The following RBFOX1 variants were observed in gnomAD, a reference collection of about 807,000 sequenced individuals.
The protein encoded by RBFOX1 is RNA binding protein fox-1 homolog 1.
RBFOX1 carries 8 observed loss-of-function variants against 57.7 expected under a neutral mutation model. The observed-to-expected ratio is 0.14, with a 90% confidence interval of 0.08 to 0.25. The LOEUF is 0.25. RBFOX1 is among the 10% of genes least tolerant of loss of function. RBFOX1 has a pLI of 1.00. For missense variants in RBFOX1, 611 were observed against 548.5 expected (o/e 1.11, Z -1.14); for synonymous variants, 326 against 222.4 (o/e 1.47, Z -4.15).
rs183630560 is a variant in RBFOX1, at chr16:5,258,768, T to G, written c.219+18663T>G. 1.8e-4 allele frequency among the ~76,000 whole-genome samples: 27 copies of G among 152,108 alleles called. No individual in the cohort carries two copies. The East Asian group carries it at 5.2e-3, about 29-fold the overall frequency. On this transcript the variant is annotated intron_variant, in intron 1 of 2. Transcript: ENST00000585867. ...CTATCTCTATTAAACATACAAAAAT[T>G]AGCCGGGCATGGTGGCAGGCGCCTA... is the stretch of plus-strand genomic sequence containing the variant.
intron 4 of RBFOX1, among the ~76,000 whole-genome samples, chr16:7,321,303 C>T (rs1050305239): frequency 6.6e-6 from 1 of 151,962 alleles, no homozygotes; most frequent in African/African-American, 2.4e-5. Flanking sequence ...TGCCACCATA[C>T]CCGGCTAATT....
chr16:5,470,269 A>C (rs1424758459), intron 2 of RBFOX1, among the ~76,000 whole-genome samples: 1 of 152,170 alleles, frequency 6.6e-6, no homozygotes. Flanking sequence ...GGCTTGGGCA[A>C]AGAAGGGGGT....
At chr16:6,572,501 C>G (rs1014221973) in intron 2 of RBFOX1, among the ~76,000 whole-genome samples, 1 of 152,104 alleles carries the variant, frequency 6.6e-6, no homozygotes, top group Non-Finnish European at 1.5e-5. Context: ...CATTAAAATC[C>G]CTTCCATTAT....
intron 4 of RBFOX1, among the ~76,000 whole-genome samples, chr16:5,966,097 A>G (rs17138991): frequency 0.031 from 4,661 of 152,236 alleles, 245 homozygotes; most frequent in African/African-American, 0.11. Flanking sequence ...CAGATGTACT[A>G]TATTTTATTG....
chr16:7,366,520 T>C (rs1423987515), intron 4 of RBFOX1, among the ~76,000 whole-genome samples: 1 of 152,206 alleles, frequency 6.6e-6, no homozygotes, highest in Non-Finnish European at 1.5e-5. Context: ...CAGCCTGAGA[T>C]GATTTCTGTC....
intron 2 of RBFOX1, among the ~76,000 whole-genome samples, chr16:6,592,658 G>C (rs888565331): frequency 4.6e-5 from 7 of 152,148 alleles, no homozygotes; most frequent in Non-Finnish European, 1.0e-4. Flanking sequence ...AATGGAATTT[G>C]CTATCTGTTT....
intron 4 of RBFOX1, among the ~76,000 whole-genome samples, chr16:7,307,172 G>A (rs1263452397): frequency 6.6e-6 from 1 of 152,116 alleles, no homozygotes; most frequent in East Asian, 1.9e-4. Context: ...TTATCATTTT[G>A]TTTTATAAAT....
intron 4 of RBFOX1, among the ~76,000 whole-genome samples, chr16:5,871,921 T>G (rs17138779): frequency 6.6e-6 from 1 of 152,024 alleles, no homozygotes; most frequent in East Asian, 1.9e-4. Context: ...CCCAAATAAT[T>G]GCAATGGGAA....
chr16:6,644,987 C>A (rs1049352708), intron 2 of RBFOX1, among the ~76,000 whole-genome samples: 5 of 152,130 alleles, frequency 3.3e-5, no homozygotes, highest in African/African-American at 1.2e-4. Flanking sequence ...GAAATATATT[C>A]TCTGACAGCT....
intron 4 of RBFOX1, among the ~76,000 whole-genome samples, chr16:5,978,949 G>A (rs79144656): frequency 6.2e-4 from 94 of 152,308 alleles, no homozygotes; most frequent in East Asian, 2.1e-3. Flanking sequence ...TGTGTTTCCC[G>A]TTCCATGCTG....
At chr16:7,211,085 T>TAAAA (rs59344460) in intron 4 of RBFOX1, among the ~76,000 whole-genome samples, 2 of 144,362 alleles carry the variant, frequency 1.4e-5, no homozygotes, top group Non-Finnish European at 1.5e-5. Flanking sequence ...TACATACACT[T>TAAAA]AAAAAAAAAA....
chr16:7,172,521 A>G (rs1054703652), intron 4 of RBFOX1, among the ~76,000 whole-genome samples: 1 of 152,178 alleles, frequency 6.6e-6, no homozygotes, highest in African/African-American at 2.4e-5. Context: ...CCTTCTGCAA[A>G]TTAGCACTAC....
chr16:6,032,138 A>T (rs11647480), intron 1 of RBFOX1, among the ~76,000 whole-genome samples: 13,821 of 151,434 alleles, frequency 0.091, 1,369 homozygotes, highest in African/African-American at 0.24. Flanking sequence ...CTCCTCTTTT[A>T]TCCGTGCTTT....
chr16:7,130,151 G>C (rs572485830), intron 4 of RBFOX1, among the ~76,000 whole-genome samples: 2 of 151,298 alleles, frequency 1.3e-5, no homozygotes, highest in African/African-American at 4.9e-5. Context: ...TCCTGCCTCA[G>C]CCTTCCAAGT....
At position 6,817,795 on chromosome 16, in the gene RBFOX1, A is replaced by G. The variant is rs146646860; in HGVS notation, c.-16+163145A>G. Reference sequence around the variant, plus strand: ...TCTGTTAAACTTCTAAGTTTCTGACAAAAACCTTATTAACTATAACTCAAG... The same window carrying G: ...TCTGTTAAACTTCTAAGTTTCTGACGAAAACCTTATTAACTATAACTCAAG... On this transcript the variant is annotated intron_variant, in intron 3 of 15. Transcript: ENST00000550418. Among the ~76,000 whole-genome samples, 149 of 152,308 alleles carry G rather than the reference A, an allele frequency of 9.8e-4. 6 individuals carry two copies. The East Asian group carries it at 0.027, about 27-fold the overall frequency.
intron 2 of RBFOX1, among the ~76,000 whole-genome samples, chr16:6,454,778 C>T (rs559700713): frequency 1.6e-4 from 24 of 151,744 alleles, no homozygotes; most frequent in African/African-American, 5.6e-4. Context: ...CATCTTCTCT[C>T]CCCCTCCCTC....
In RBFOX1 at chr16:7,713,088, G is replaced by C. The variant is rs1298667813; in HGVS notation, c.*2343G>C. 4.0e-5 allele frequency: 6 copies of C among 151,794 alleles called. No individual in the cohort carries two copies. The highest frequency in any genetic ancestry group is 4.4e-5 in the Non-Finnish European group (3 of 67,942). The allele number at this position is 151,794 out of a possible 1,614,324, so 9.4% of individuals were successfully genotyped here. ...TGTCAGAGATGTAAACAAACATTTT[G>C]GATTTTTTTTAAACAGTATTTATTT... On this transcript the variant is annotated 3_prime_UTR_variant, in exon 16 of 16. Coordinates refer to ENST00000550418, the MANE Select transcript of RBFOX1 (RefSeq NM_018723.4).
chr16:7,112,690 G>C (rs2065054181), intron 4 of RBFOX1, among the ~76,000 whole-genome samples: 1 of 124,046 alleles, frequency 8.1e-6, no homozygotes, highest in Admixed American at 8.0e-5. Context: ...GTGTGGGTGT[G>C]TCTCTCTGTC....
chr16:7,214,990 C>T (rs975663392), intron 4 of RBFOX1, among the ~76,000 whole-genome samples: 1 of 152,148 alleles, frequency 6.6e-6, no homozygotes, highest in Non-Finnish European at 1.5e-5. Context: ...CTGCACCTAT[C>T]AACCCATCAT....
Sources: allele counts gnomAD v4.1 joint callset (sites outside exome capture counted in the v4.1 genomes callset), GRCh38; gene constraint gnomAD v4.1.1; transcripts MANE v1.5; gene names NCBI Gene and HGNC (gene_info 2026-07-23, HGNC 2026-07-21).